The following NHEJ1 variants were observed in gnomAD, a reference collection of about 807,000 sequenced individuals.
NHEJ1 encodes the protein non-homologous end joining factor 1, also known as non-homologous end-joining factor 1.
NHEJ1 carries 22 observed loss-of-function variants against 39.4 expected under a neutral mutation model. The ratio of observed to expected loss-of-function variants is 0.56; its 90% CI spans 0.40 to 0.80. The LOEUF is 0.80. NHEJ1 is among the 30% of genes least tolerant of loss of function. NHEJ1 has a pLI of 0.00. For synonymous variants in NHEJ1, 154 were observed against 135.6 expected (o/e 1.14, Z -0.94); for missense variants, 329 against 357.1 (o/e 0.92, Z 0.63).
chr2:219,150,706 A>G (rs1949786753), intron 3 of NHEJ1, among the ~76,000 whole-genome samples: 1 of 152,170 alleles, frequency 6.6e-6, no homozygotes, highest in African/African-American at 2.4e-5. Flanking sequence ...CTGTAATCCC[A>G]GCACTGTGGG....
chr2:219,135,477 C>T (rs1368578850), intron 5 of NHEJ1, among the ~76,000 whole-genome samples: 3 of 152,028 alleles, frequency 2.0e-5, no homozygotes, highest in African/African-American at 7.2e-5. Context: ...GGCGTGGTGG[C>T]AGGTGCCTGT....
rs555163878 is a variant in NHEJ1 at position 219,146,291 on chromosome 2, T to A, written c.588+389A>T. Among the ~76,000 whole-genome samples the A allele has an allele frequency of 1.3e-4, 20 of 152,252 alleles. No homozygotes were observed. In the East Asian group the frequency reaches 3.7e-3, roughly 28 times the overall value. ...CTTTTTACCTTCCTCTCCTGCAGGA[T>A]CCTGAAAGGGCCTAGACAAGTAATG... is the stretch of plus-strand genomic sequence containing the variant. On this transcript the variant is annotated intron_variant, in intron 5 of 7. Coordinates refer to ENST00000356853, the MANE Select transcript of NHEJ1 (RefSeq NM_024782.3).
At chr2:219,114,028 G>A (rs1367856921) in intron 5 of NHEJ1, among the ~76,000 whole-genome samples, 1 of 152,150 alleles carries the variant, frequency 6.6e-6, no homozygotes, top group African/African-American at 2.4e-5. Flanking sequence ...GTGGGGCAGG[G>A]GCTGAAAACA....
intron 5 of NHEJ1, among the ~76,000 whole-genome samples, chr2:219,098,719 G>C (rs1949230307): frequency 6.6e-6 from 1 of 152,160 alleles, no homozygotes; most frequent in Non-Finnish European, 1.5e-5. Context: ...GAGAGGCCGA[G>C]GTAGGAGGAT....
intron 5 of NHEJ1, among the ~76,000 whole-genome samples, chr2:219,133,620 G>A (rs1452443053): frequency 6.6e-6 from 1 of 152,192 alleles, no homozygotes; most frequent in Non-Finnish European, 1.5e-5. Flanking sequence ...AAATAATATA[G>A]CTTGTGCTTT....
intron 5 of NHEJ1, among the ~76,000 whole-genome samples, chr2:219,138,232 T>C (rs1949654938): frequency 6.6e-6 from 1 of 152,222 alleles, no homozygotes; most frequent in Non-Finnish European, 1.5e-5. Flanking sequence ...CTTATTCTTT[T>C]GACTTTTGAG....
chr2:219,141,772 T>A (rs1257916571), intron 5 of NHEJ1, among the ~76,000 whole-genome samples: 3 of 151,986 alleles, frequency 2.0e-5, no homozygotes, highest in Admixed American at 1.3e-4. Flanking sequence ...GGGGTCTAGA[T>A]GAGATGACCC....
Position 219,076,460 on chromosome 2 carries a change from A to G in NHEJ1, c.826-5T>C. The G allele has an allele frequency of 1.9e-6, 3 of 1,613,702 alleles. No individual in the cohort carries two copies. Among genetic ancestry groups the G allele is most frequent in the Non-Finnish European group, 2.5e-6 (3 of 1,179,776 alleles). On this transcript the variant is annotated splice_region_variant and splice_polypyrimidine_tract_variant and intron_variant, in intron 7 of 7. Coordinates refer to ENST00000356853, the MANE Select transcript of NHEJ1 (RefSeq NM_024782.3). ...CTGCAGAGGGCCTGAAGTACCCTAG[A>G]AAAAAGGGAACCCAAGTTAGTAGGG...
rs1948992405 is a variant in NHEJ1, at chr2:219,074,336, G to T, written c.*2045C>A. ...CTTGAGTCTGTGCTGTTACAGTACA[G>T]GGAATGCCCAGGGTGAAGAACCGGT... On this transcript the variant is annotated 3_prime_UTR_variant, in exon 8 of 8. Coordinates refer to ENST00000356853, the MANE Select transcript of NHEJ1 (RefSeq NM_024782.3). Among the ~76,000 whole-genome samples, 1 of 152,210 alleles carries T rather than the reference G, an allele frequency of 6.6e-6. No individual in the cohort carries two copies.
At chr2:219,150,572 C>A (rs1441473698) in intron 3 of NHEJ1, among the ~76,000 whole-genome samples, 1 of 152,238 alleles carries the variant, frequency 6.6e-6, no homozygotes, top group Non-Finnish European at 1.5e-5. Flanking sequence ...ATAATCCCAG[C>A]ATTTTGGGAG....
intron 5 of NHEJ1, among the ~76,000 whole-genome samples, chr2:219,114,556 A>C (rs1298224454): frequency 6.6e-6 from 1 of 152,222 alleles, no homozygotes; most frequent in Non-Finnish European, 1.5e-5. Context: ...ACACAGGCCT[A>C]AGAAATAGAA....
At chr2:219,148,888 C>T (rs569120891) in intron 3 of NHEJ1, among the ~76,000 whole-genome samples, 116 of 145,990 alleles carry the variant, frequency 7.9e-4, no homozygotes, top group Admixed American at 2.3e-3. Flanking sequence ...ACAACCCCCC[C>T]TTTTTTTTTT....
chr2:219,150,518 T>G (rs1237221282), intron 3 of NHEJ1, among the ~76,000 whole-genome samples: 1 of 152,198 alleles, frequency 6.6e-6, no homozygotes, highest in East Asian at 1.9e-4. Context: ...AGGAATTGTT[T>G]TGTTAAATTT....
At chr2:219,090,518 C>G (rs771416739) in intron 5 of NHEJ1, among the ~76,000 whole-genome samples, 2 of 152,174 alleles carry the variant, frequency 1.3e-5, no homozygotes, top group Admixed American at 1.3e-4. Flanking sequence ...AAGGATAAGA[C>G]AGGGTTCACT....
chr2:219,127,674 C>T (rs190843974), intron 5 of NHEJ1, among the ~76,000 whole-genome samples: 1 of 152,236 alleles, frequency 6.6e-6, no homozygotes, highest in Non-Finnish European at 1.5e-5. Context: ...GCTGACCAAA[C>T]AGGTGATCAA....
chr2:219,109,885 T>C (rs1223029279), intron 5 of NHEJ1, among the ~76,000 whole-genome samples: 3 of 152,184 alleles, frequency 2.0e-5, no homozygotes, highest in Non-Finnish European at 2.9e-5. Flanking sequence ...CAGTATATTA[T>C]GCAATAATCC....
chr2:219,155,134 T>C (rs1559204626), intron 3 of NHEJ1, among the ~76,000 whole-genome samples: 1 of 151,706 alleles, frequency 6.6e-6, no homozygotes, highest in Non-Finnish European at 1.5e-5. Context: ...TCCGCATTTC[T>C]AGGTCCATGT....
chr2:219,110,027 G>C (rs1256817706), intron 5 of NHEJ1, among the ~76,000 whole-genome samples: 1 of 152,190 alleles, frequency 6.6e-6, no homozygotes, highest in East Asian at 1.9e-4. Context: ...CCCCTATGAA[G>C]AATCATGAGC....
At chr2:219,140,937 G>A (rs890074051) in intron 5 of NHEJ1, among the ~76,000 whole-genome samples, 5 of 152,152 alleles carry the variant, frequency 3.3e-5, no homozygotes, top group African/African-American at 1.2e-4. Flanking sequence ...GTAGGAAACC[G>A]GGAGCCACTA....
Sources: allele counts gnomAD v4.1 joint callset (sites outside exome capture counted in the v4.1 genomes callset), GRCh38; gene constraint gnomAD v4.1.1; transcripts MANE v1.5; gene names NCBI Gene and HGNC (gene_info 2026-07-23, HGNC 2026-07-21).